Variants in LRMDA observed in about 807,000 individuals in gnomAD.
LRMDA encodes the protein leucine rich melanocyte differentiation associated.
In LRMDA, 18 loss-of-function variants were observed where a neutral mutation model predicts 29.8. The ratio of observed to expected loss-of-function variants is 0.60; its 90% CI spans 0.42 to 0.90. The LOEUF (loss-of-function observed/expected upper bound fraction) is 0.90. Among genes scored for constraint, LRMDA ranks in the 40% least tolerant of loss-of-function variants. LRMDA has a pLI of 0.00. For missense variants in LRMDA, 273 were observed against 273.9 expected (o/e 1.00, Z 0.02); for synonymous variants, 125 against 109.4 (o/e 1.14, Z -0.89).
At chr10:75,985,991 A>G (rs1400058652) in intron 2 of LRMDA, among the ~76,000 whole-genome samples, 3 of 152,200 alleles carry the variant, frequency 2.0e-5, no homozygotes, top group Non-Finnish European at 2.9e-5. Flanking sequence ...GTTGGTCAAG[A>G]TGTTTTCTAG....
chr10:75,542,820 G>A (rs1840034062), intron 2 of LRMDA, among the ~76,000 whole-genome samples: 1 of 152,274 alleles, frequency 6.6e-6, no homozygotes, highest in Non-Finnish European at 1.5e-5. Flanking sequence ...TTCAAGATTG[G>A]TTTCGCTTGA....
chr10:76,458,168 C>CCTCA (rs1365162388), intron 6 of LRMDA, among the ~76,000 whole-genome samples: 38 of 60,056 alleles, frequency 6.3e-4, no homozygotes, highest in African/African-American at 1.7e-3. Context: ...AAAAATTTGG[C>CCTCA]CTGTTTTGTA....
intron 2 of LRMDA, among the ~76,000 whole-genome samples, chr10:75,690,244 G>A (rs559275972): frequency 6.6e-6 from 1 of 152,306 alleles, no homozygotes; most frequent in South Asian, 2.1e-4. Context: ...AGAGAGAGAT[G>A]TTATCTCAGT....
intron 2 of LRMDA, among the ~76,000 whole-genome samples, chr10:75,624,732 A>G (rs1035195606): frequency 3.9e-5 from 6 of 152,204 alleles, no homozygotes; most frequent in Non-Finnish European, 8.8e-5. Context: ...AGCACCTATT[A>G]CTTTAAAGCA....
chr10:76,235,522 A>C (rs1352369022), intron 5 of LRMDA, among the ~76,000 whole-genome samples: 1 of 152,094 alleles, frequency 6.6e-6, no homozygotes, highest in Non-Finnish European at 1.5e-5. Context: ...AATGAGGTAT[A>C]CCTGCAGAGG....
At chr10:76,233,216 A>C (rs1852092795) in intron 5 of LRMDA, among the ~76,000 whole-genome samples, 1 of 152,234 alleles carries the variant, frequency 6.6e-6, no homozygotes, top group Non-Finnish European at 1.5e-5. Context: ...AGCAAGTAAC[A>C]TGAATGTTTG....
chr10:76,522,546 G>A (rs931293074), intron 6 of LRMDA, among the ~76,000 whole-genome samples: 2 of 152,200 alleles, frequency 1.3e-5, no homozygotes, highest in African/African-American at 4.8e-5. Context: ...AAAGCCCAGT[G>A]TACTGGTTAC....
At chr10:76,027,586 A>G (rs988353562) in intron 2 of LRMDA, among the ~76,000 whole-genome samples, 13 of 152,186 alleles carry the variant, frequency 8.5e-5, no homozygotes, top group Non-Finnish European at 4.4e-5. Context: ...AATTGTTATA[A>G]TGTCTCTGTG....
intron 5 of LRMDA, among the ~76,000 whole-genome samples, chr10:76,219,321 A>C (rs538417784): frequency 3.3e-5 from 5 of 152,348 alleles, no homozygotes; most frequent in African/African-American, 1.2e-4. Flanking sequence ...CAGACTGGCA[A>C]ATTGGATAAA....
chr10:75,930,362 TGAG>T (rs1417956953), intron 2 of LRMDA, among the ~76,000 whole-genome samples: 1 of 152,070 alleles, frequency 6.6e-6, no homozygotes, highest in African/African-American at 2.4e-5. Flanking sequence ...TAGTTGGAGA[TGAG>T]GAGAAACTGG....
intron 2 of LRMDA, among the ~76,000 whole-genome samples, chr10:75,864,869 T>C (rs1408422127): frequency 6.6e-6 from 1 of 152,226 alleles, no homozygotes; most frequent in Admixed American, 6.5e-5. Flanking sequence ...ATGAATTATG[T>C]ACAGCTTGCC....
At chr10:75,917,949 A>G (rs1845961825) in intron 2 of LRMDA, among the ~76,000 whole-genome samples, 1 of 137,924 alleles carries the variant, frequency 7.3e-6, no homozygotes, top group South Asian at 2.7e-4. Context: ...ACACCCACAC[A>G]TGCACATGTG....
chr10:76,150,871 G>T (rs958280220), intron 5 of LRMDA, among the ~76,000 whole-genome samples: 1 of 152,216 alleles, frequency 6.6e-6, no homozygotes, highest in Non-Finnish European at 1.5e-5. Context: ...GCCAAATGCT[G>T]CATCCACTGA....
intron 6 of LRMDA, among the ~76,000 whole-genome samples, chr10:76,513,163 T>A (rs775844481): frequency 8.5e-5 from 13 of 152,274 alleles, no homozygotes; most frequent in Middle Eastern, 3.4e-3. Flanking sequence ...CAGTTTAAAT[T>A]TGGTGAGATC....
intron 6 of LRMDA, among the ~76,000 whole-genome samples, chr10:76,354,433 CT>C (rs753327559): frequency 6.6e-6 from 1 of 152,160 alleles, no homozygotes; most frequent in Non-Finnish European, 1.5e-5. Flanking sequence ...TGGCATATCT[CT>C]GGGTTACTTT....
chr10:76,250,259 C>G (rs761000417), intron 5 of LRMDA, among the ~76,000 whole-genome samples: 1 of 152,110 alleles, frequency 6.6e-6, no homozygotes, highest in African/African-American at 2.4e-5. Context: ...AAGATGTATC[C>G]TGGAAAAAAT....
At chr10:76,184,400 G>T (rs565476584) in intron 5 of LRMDA, among the ~76,000 whole-genome samples, 4 of 152,228 alleles carry the variant, frequency 2.6e-5, no homozygotes, top group African/African-American at 4.8e-5. Context: ...TGCTCTTCTG[G>T]TGTATCCAAT....
At chr10:76,171,217 C>T (rs1417615293) in intron 5 of LRMDA, among the ~76,000 whole-genome samples, 1 of 152,172 alleles carries the variant, frequency 6.6e-6, no homozygotes, top group Non-Finnish European at 1.5e-5. Context: ...CTCGCTGCAA[C>T]CTCTGCCTCC....
At chr10:76,551,808 C>T (rs1054698701) in intron 6 of LRMDA, among the ~76,000 whole-genome samples, 45 of 152,242 alleles carry the variant, frequency 3.0e-4, no homozygotes, top group Non-Finnish European at 3.8e-4. Flanking sequence ...TGGACCAAGA[C>T]GCTCCTGATC....
Sources: allele counts gnomAD v4.1 joint callset (sites outside exome capture counted in the v4.1 genomes callset), GRCh38; gene constraint gnomAD v4.1.1; transcripts MANE v1.5; gene names NCBI Gene and HGNC (gene_info 2026-07-23, HGNC 2026-07-21).